The following CCN4 variants were observed in gnomAD, a reference collection of about 807,000 sequenced individuals.
The protein encoded by CCN4 is CCN family member 4.
Under a neutral mutation model 36.7 loss-of-function variants are expected in CCN4, and 30 were observed. That is an observed-to-expected ratio of 0.82 (90% CI 0.61 to 1.11). The LOEUF is 1.11. Among genes scored for constraint, CCN4 ranks in the 50% least tolerant of loss-of-function variants. CCN4 has a pLI of 0.00. For missense variants in CCN4, 505 were observed against 504.9 expected, an observed-to-expected ratio of 1.00 and a Z score of 0.00; for synonymous variants, 191 against 195.4, an observed-to-expected ratio of 0.98 and a Z score of 0.19.
rs1204004061 is a variant in CCN4 at position 133,228,781 on chromosome 8, G to A, written c.*1071G>A. On this transcript the variant is annotated 3_prime_UTR_variant, in exon 5 of 5. Coordinates refer to ENST00000250160, the MANE Select transcript of CCN4 (RefSeq NM_003882.4). ...GGTGACCTCTAGAGCTGGAGGCTGT[G>A]GGACTCCAGGGGCCCCCGTGTTCAG... 1 of 152,158 alleles carries A rather than the reference G, an allele frequency of 6.6e-6. No individual in the cohort carries two copies. The highest frequency in any genetic ancestry group is 2.4e-5 in the African/African-American group (1 of 41,412). The allele number at this position is 152,158 out of a possible 1,614,324, so 9.4% of individuals were successfully genotyped here.
At chr8:133,215,797 A>C (rs1854300122) in intron 2 of CCN4, among the ~76,000 whole-genome samples, 1 of 152,220 alleles carries the variant, frequency 6.6e-6, no homozygotes, top group African/African-American at 2.4e-5. Context: ...TTCCCTGGTC[A>C]TGAAGTTTTA....
rs1242828211 is a variant in CCN4 at position 133,229,949 on chromosome 8, A to G, written c.*2239A>G. 2 of 152,232 alleles carry G rather than the reference A, an allele frequency of 1.3e-5. No individual in the cohort carries two copies. The highest frequency in any genetic ancestry group is 2.9e-5 in the Non-Finnish European group (2 of 68,038). The allele number at this position is 152,232 out of a possible 1,614,324, so 9.4% of individuals were successfully genotyped here. A position where few individuals can be genotyped will look rare whatever the true frequency, so the allele number is the denominator to read the frequency against. On this transcript the variant is annotated 3_prime_UTR_variant, in exon 5 of 5. Coordinates refer to ENST00000250160, the MANE Select transcript of CCN4 (RefSeq NM_003882.4). ...ATCATGTTAGATTTTCTGAGAGTGA[A>G]AACACCTGCCATCTACAAATTACAA...
intron 1 of CCN4, among the ~76,000 whole-genome samples, chr8:133,200,316 T>A (rs1488774420): frequency 6.6e-6 from 1 of 152,144 alleles, no homozygotes; most frequent in Non-Finnish European, 1.5e-5. Flanking sequence ...CCAGGGCCTC[T>A]CCCCTCCAGG....
intron 2 of CCN4, among the ~76,000 whole-genome samples, chr8:133,218,140 A>G (rs1854394481): frequency 6.6e-6 from 1 of 152,144 alleles, no homozygotes; most frequent in Admixed American, 6.5e-5. Flanking sequence ...CAGCTGTATC[A>G]TTCAACAGTT....
In CCN4 at chr8:133,220,810, C is replaced by T. The variant is rs1486868346; in HGVS notation, c.579C>T (p.Arg193=). The T allele has an allele frequency of 3.1e-6, 5 of 1,606,626 alleles. No homozygotes were observed. Among genetic ancestry groups the T allele is most frequent in the South Asian group, 2.2e-5 (2 of 90,908 alleles). ...GTGAGGACGACGCCAAGAGGCCACG[C>T]AAGACCGCACCCCGTGACACAGGAG... is the stretch of plus-strand genomic sequence containing the variant. The part of the protein sequence containing the change: ...WVCEDDAKRP[R]KTAPRDTGAF... The change falls in exon 3 of 5, where the codon CGC becomes CGT. Residue 193 remains arginine (R), a synonymous_variant. Coordinates refer to ENST00000250160, the MANE Select transcript of CCN4 (RefSeq NM_003882.4).
Position 133,227,411 on chromosome 8 carries a change from G to T in CCN4, c.805G>T (p.Ala269Ser), listed in dbSNP as rs912883136. The T allele has an allele frequency of 2.5e-6, 4 of 1,604,878 alleles. No individual in the cohort carries two copies. Among genetic ancestry groups the T allele is most frequent in the Admixed American group, 1.7e-5 (1 of 59,478 alleles). The stretch of plus-strand genomic sequence containing the variant: ...TGAAAGCTCCTTTCCTTTCCTTCAG[G>T]CAGGGAAGAAGTGTCTGGCTGTGTA... Reference protein sequence around the residue: ...CDVDIHTLIKAGKKCLAVYQP... With the variant: ...CDVDIHTLIKSGKKCLAVYQP... The change falls in exon 5 of 5, where the codon GCA becomes TCA. Residue 269 changes from alanine to serine, a missense_variant and splice_region_variant. By Grantham distance (99) the Ala-to-Ser change is moderately conservative. Transcript: ENST00000250160.
chr8:133,223,788 C>G (rs1323904160), intron 3 of CCN4, among the ~76,000 whole-genome samples: 1 of 152,188 alleles, frequency 6.6e-6, no homozygotes, highest in Non-Finnish European at 1.5e-5. Context: ...CAGGCCTCCT[C>G]TCCACTGCAT....
chr8:133,216,368 A>C (rs1243542369), intron 2 of CCN4, among the ~76,000 whole-genome samples: 1 of 152,146 alleles, frequency 6.6e-6, no homozygotes, highest in Admixed American at 6.5e-5. Context: ...ACTCAAACAG[A>C]GTATGATGGG....
At chr8:133,197,563 C>G (rs889331285) in intron 1 of CCN4, among the ~76,000 whole-genome samples, 2 of 152,020 alleles carry the variant, frequency 1.3e-5, no homozygotes, top group Non-Finnish European at 2.9e-5. Context: ...CAGCTCCCCT[C>G]CTCCTCCTCC....
chr8:133,227,930 T>C lies in CCN4; in HGVS notation c.*220T>C. On this transcript the variant is annotated 3_prime_UTR_variant, in exon 5 of 5. Coordinates refer to ENST00000250160, the MANE Select transcript of CCN4 (RefSeq NM_003882.4). ...ATTCAGCATCTACTCTAAAGAAAAATGCCTGTCTCTAGCTGTTCTGGACTA... is the reference window on the plus strand; with the variant it reads ...ATTCAGCATCTACTCTAAAGAAAAACGCCTGTCTCTAGCTGTTCTGGACTA... The C allele has an allele frequency of 1.8e-6, 1 of 558,578 alleles. No individual in the cohort carries two copies. Among genetic ancestry groups the C allele is most frequent in the Non-Finnish European group, 3.1e-6 (1 of 322,064 alleles). 34.6% of individuals were successfully genotyped at this position (558,578 alleles called of 1,614,324 possible). A position where few individuals can be genotyped will look rare whatever the true frequency, so the allele number is the denominator to read the frequency against.
chr8:133,204,014 T>A (rs1407462435), intron 1 of CCN4, among the ~76,000 whole-genome samples: 1 of 152,226 alleles, frequency 6.6e-6, no homozygotes, highest in East Asian at 1.9e-4. Flanking sequence ...GTGAAACATT[T>A]CCTCCAGGGC....
chr8:133,214,505 G>GT (rs1854243669), intron 2 of CCN4, among the ~76,000 whole-genome samples: 1 of 150,704 alleles, frequency 6.6e-6, no homozygotes, highest in African/African-American at 2.5e-5. Flanking sequence ...CTGTTTGGAG[G>GT]TGGTTGTTGT....
At chr8:133,200,612 T>C (rs1379359785) in intron 1 of CCN4, among the ~76,000 whole-genome samples, 2 of 152,196 alleles carry the variant, frequency 1.3e-5, no homozygotes, top group Non-Finnish European at 2.9e-5. Context: ...TGGAGGAGGA[T>C]AGGACCTGGA....
At chr8:133,205,338 TTTG>T (rs1853731738) in intron 1 of CCN4, among the ~76,000 whole-genome samples, 1 of 152,172 alleles carries the variant, frequency 6.6e-6, no homozygotes, top group South Asian at 2.1e-4. Flanking sequence ...GCTGTTTTGG[TTTG>T]TTGTTGTTCT....
Position 133,231,196 on chromosome 8 carries a change from C to T in CCN4, c.*3486C>T, listed in dbSNP as rs1030903922. 3.3e-5 allele frequency: 5 copies of T among 152,106 alleles called. No individual in the cohort carries two copies. The highest frequency in any genetic ancestry group is 7.4e-5 in the Non-Finnish European group (5 of 68,026). The allele number at this position is 152,106 out of a possible 1,614,324, so 9.4% of individuals were successfully genotyped here. A position where few individuals can be genotyped will look rare whatever the true frequency, so the allele number is the denominator to read the frequency against. ...TAGCAATTACAGGGAAGTAATCTAGCTCCTGACTATTATGTTGAACTATGT... is the reference window on the plus strand; with the variant it reads ...TAGCAATTACAGGGAAGTAATCTAGTTCCTGACTATTATGTTGAACTATGT... On this transcript the variant is annotated 3_prime_UTR_variant, in exon 5 of 5. Coordinates refer to ENST00000250160, the MANE Select transcript of CCN4 (RefSeq NM_003882.4).
At chr8:133,206,625 A>G (rs1853783183) in intron 1 of CCN4, among the ~76,000 whole-genome samples, 1 of 152,118 alleles carries the variant, frequency 6.6e-6, no homozygotes, top group Non-Finnish European at 1.5e-5. Flanking sequence ...TATGACAGAG[A>G]CAGAGAGAGA....
intron 1 of CCN4, among the ~76,000 whole-genome samples, chr8:133,204,208 T>A (rs1853685559): frequency 6.6e-6 from 1 of 152,234 alleles, no homozygotes; most frequent in Non-Finnish European, 1.5e-5. Flanking sequence ...TCAGTCATTT[T>A]AAAATATCAA....
chr8:133,198,331 T>G lies in CCN4; in HGVS notation c.69+7118T>G, dbSNP rs146199600. 6.6e-3 allele frequency among the ~76,000 whole-genome samples: 1,002 copies of G among 152,314 alleles called. 9 individuals are homozygous for G. The highest frequency in any genetic ancestry group is 0.023 in the African/African-American group (947 of 41,560). On this transcript the variant is annotated intron_variant, in intron 1 of 4. Transcript: ENST00000250160. ...TTCTCCTTTCAGCCCACGTCTCTTT[T>G]GTCAATCCTCAAAGTGTAGCTGTGT...
chr8:133,196,585 G>A (rs1263122205), intron 1 of CCN4, among the ~76,000 whole-genome samples: 2 of 152,172 alleles, frequency 1.3e-5, no homozygotes, highest in African/African-American at 2.4e-5. Context: ...ATAACAGGTA[G>A]GGAGGGAGAA....
Sources: gnomAD v4.1 joint callset for allele counts (sites outside exome capture counted in the v4.1 genomes callset) on GRCh38, gnomAD v4.1.1 for gene constraint, MANE v1.5 for transcripts, NCBI Gene and HGNC (gene_info 2026-07-23, HGNC 2026-07-21) for gene names.